Variants in MAPKAP1 observed in about 807,000 individuals in gnomAD.
MAPKAP1 encodes MAPK associated protein 1.
MAPKAP1 carries 20 observed loss-of-function variants against 65.7 expected under a neutral mutation model. The observed-to-expected ratio is 0.30, with a 90% CI of 0.21 to 0.44. The LOEUF is 0.44. Ranked by LOEUF, MAPKAP1 falls within the 20% of genes least tolerant of loss-of-function variation. MAPKAP1 has a pLI of 1.00. For synonymous variants in MAPKAP1, 222 were observed against 244.3 expected (o/e 0.91, Z 0.85); for missense variants, 423 against 648.0 (o/e 0.65, Z 3.77).
intron 8 of MAPKAP1, among the ~76,000 whole-genome samples, chr9:125,492,915 G>C (rs1047413671): frequency 6.6e-6 from 1 of 152,188 alleles, no homozygotes; most frequent in Non-Finnish European, 1.5e-5. Context: ...TGCTGTGCTA[G>C]TGCTTCCGGA....
chr9:125,544,309 T>C (rs1335078777), intron 6 of MAPKAP1, among the ~76,000 whole-genome samples: 1 of 151,598 alleles, frequency 6.6e-6, no homozygotes, highest in Non-Finnish European at 1.5e-5. Context: ...CACCTGGCTG[T>C]ATTTTTTTTT....
At chr9:125,524,334 T>G (rs1485154219) in intron 7 of MAPKAP1, among the ~76,000 whole-genome samples, 5 of 152,232 alleles carry the variant, frequency 3.3e-5, no homozygotes, top group Non-Finnish European at 7.3e-5. Context: ...AATTTCTAAC[T>G]CATGTGGTTA....
At chr9:125,647,619 A>C (rs1421579195) in intron 4 of MAPKAP1, among the ~76,000 whole-genome samples, 1 of 152,222 alleles carries the variant, frequency 6.6e-6, no homozygotes, top group Non-Finnish European at 1.5e-5. Flanking sequence ...CACAGTCCTC[A>C]GCACTGGGCA....
At chr9:125,603,639 T>G (rs1487787362) in intron 4 of MAPKAP1, among the ~76,000 whole-genome samples, 1 of 152,248 alleles carries the variant, frequency 6.6e-6, no homozygotes, top group African/African-American at 2.4e-5. Context: ...CAACCTCCTC[T>G]GAGGTCCTAA....
Position 125,543,066 on chromosome 9 carries a change from T to C in MAPKAP1, c.951A>G (p.Lys317=), listed in dbSNP as rs1830303152. 1.9e-6 allele frequency: 3 copies of C among 1,608,542 alleles called. No individual in the cohort carries two copies. Among genetic ancestry groups the C allele is most frequent in the Admixed American group, 3.3e-5 (2 of 59,998 alleles). Residue 317 remains lysine, a synonymous_variant, in exon 7 of 12, where the codon AAA becomes AAG. Transcript: ENST00000265960. ...KAVKRRKGSQ[K]VSGPQYRLEK... ...ATGATTTAACTATCCCACCTGAAAC[T>C]TTCTGGGATCCTTTTCTTCGCTTCA...
At position 125,703,550 on chromosome 9, in the gene MAPKAP1, T is replaced by A. The variant is rs141624720; in HGVS notation, c.-70+3421A>T. Among the ~76,000 whole-genome samples the A allele has an allele frequency of 3.3e-5, 5 of 152,102 alleles. No individual in the cohort carries two copies. The East Asian group carries it at 9.6e-4, about 29-fold the overall frequency. On this transcript the variant is annotated intron_variant, in intron 1 of 11. Coordinates refer to ENST00000265960, the MANE Select transcript of MAPKAP1 (RefSeq NM_001006617.3). Reference sequence around the variant, plus strand: ...ACTTTGAGAGCCCGAGGCAGGCAGATCACTTGAGGTCAGGAGTTTGAGACC... The same window carrying A: ...ACTTTGAGAGCCCGAGGCAGGCAGAACACTTGAGGTCAGGAGTTTGAGACC...
intron 7 of MAPKAP1, among the ~76,000 whole-genome samples, chr9:125,530,855 G>T (rs1047355300): frequency 1.3e-5 from 2 of 152,228 alleles, no homozygotes; most frequent in African/African-American, 4.8e-5. Context: ...GAGAAAGCCA[G>T]GTTTTATGGC....
chr9:125,693,332 T>G (rs1403870397), intron 1 of MAPKAP1, among the ~76,000 whole-genome samples: 3 of 151,318 alleles, frequency 2.0e-5, no homozygotes, highest in African/African-American at 7.3e-5. Context: ...GAGAATCGCT[T>G]GAACCCAAGA....
intron 10 of MAPKAP1, among the ~76,000 whole-genome samples, chr9:125,459,349 G>A (rs1853362024): frequency 6.7e-6 from 1 of 149,518 alleles, no homozygotes; most frequent in East Asian, 2.0e-4. Flanking sequence ...CCAGGCAGAG[G>A]GGCTCCTCAC....
chr9:125,585,509 C>G (rs1201774795), intron 5 of MAPKAP1, 46 bp downstream of exon 5: 2 of 1,596,052 alleles, frequency 1.3e-6, no homozygotes, highest in East Asian at 4.5e-5. Flanking sequence ...CTTGGGTGGC[C>G]AAAAGACCAC....
intron 7 of MAPKAP1, among the ~76,000 whole-genome samples, chr9:125,519,822 C>A (rs1052905342): frequency 6.6e-6 from 1 of 151,992 alleles, no homozygotes; most frequent in Non-Finnish European, 1.5e-5. Context: ...CCACAGAAAA[C>A]AAAGGTGTCC....
chr9:125,491,424 G>C (rs1262266919), intron 8 of MAPKAP1, among the ~76,000 whole-genome samples: 5 of 152,048 alleles, frequency 3.3e-5, no homozygotes, highest in Admixed American at 2.0e-4. Flanking sequence ...CTGGGTAACA[G>C]AGTGAGACCC....
At chr9:125,491,885 A>C (rs984681049) in intron 8 of MAPKAP1, among the ~76,000 whole-genome samples, 2 of 152,152 alleles carry the variant, frequency 1.3e-5, no homozygotes, top group Admixed American at 1.3e-4. Context: ...TTTTTAATAG[A>C]TGTAACTCAA....
intron 10 of MAPKAP1, among the ~76,000 whole-genome samples, chr9:125,463,377 A>T (rs1437055753): frequency 6.6e-6 from 1 of 152,210 alleles, no homozygotes; most frequent in African/African-American, 2.4e-5. Flanking sequence ...TTTTCTATTT[A>T]AGCTAAATCA....
chr9:125,590,064 T>A (rs1051287301), intron 4 of MAPKAP1, among the ~76,000 whole-genome samples: 1 of 152,216 alleles, frequency 6.6e-6, no homozygotes, highest in Non-Finnish European at 1.5e-5. Flanking sequence ...CCCAGATCAG[T>A]TGCTTGTCAT....
At chr9:125,692,131 G>A (rs927070306) in intron 1 of MAPKAP1, among the ~76,000 whole-genome samples, 8 of 152,248 alleles carry the variant, frequency 5.3e-5, no homozygotes, top group South Asian at 2.1e-4. Context: ...TAAACAGAGC[G>A]TTACCATATG....
chr9:125,585,831 T>A, intron 4 of MAPKAP1, 104 bp from the exon 5 acceptor site: 1 of 1,092,622 alleles, frequency 9.2e-7, no homozygotes, highest in Non-Finnish European at 1.3e-6. Flanking sequence ...ATCCTTGCTC[T>A]ACAGACCTAC....
chr9:125,635,819 A>T (rs1386096167), intron 4 of MAPKAP1, among the ~76,000 whole-genome samples: 1 of 152,242 alleles, frequency 6.6e-6, no homozygotes, highest in Non-Finnish European at 1.5e-5. Context: ...TGTCATTTGC[A>T]TACCTACCAG....
chr9:125,706,625 C>CGTG lies in MAPKAP1; in HGVS notation c.-70+345_-70+346insCAC, dbSNP rs1268512115. 2.0e-5 allele frequency among the ~76,000 whole-genome samples: 3 copies of CGTG among 151,996 alleles called. No individual in the cohort carries two copies. The East Asian group carries it at 5.8e-4, about 29-fold the overall frequency. ...AGAAGGGACGCAAGGAAACAAGGACCACACAGTCAATGCTTGAAAACCTTG... is the reference window on the plus strand; with the variant it reads ...AGAAGGGACGCAAGGAAACAAGGACCGTGACACAGTCAATGCTTGAAAACCTTG... On this transcript the variant is annotated intron_variant, in intron 1 of 11. Coordinates refer to ENST00000265960, the MANE Select transcript of MAPKAP1 (RefSeq NM_001006617.3).
Sources: allele counts gnomAD v4.1 joint callset (sites outside exome capture counted in the v4.1 genomes callset), GRCh38; gene constraint gnomAD v4.1.1; transcripts MANE v1.5; gene names NCBI Gene and HGNC (gene_info 2026-07-23, HGNC 2026-07-21).